INSC: variants seen among roughly 807,000 people sequenced by gnomAD.
INSC encodes INSC spindle orientation adaptor protein, also known as protein inscuteable homolog.
In INSC, 67 loss-of-function variants were observed where a neutral mutation model predicts 58.6. That is an observed-to-expected ratio of 1.14 (90% CI 0.94 to 1.40). The LOEUF (loss-of-function observed/expected upper bound fraction) is 1.40, where lower values mean the gene tolerates loss of function less well. Among genes scored for constraint, INSC ranks in the 40% most tolerant of loss-of-function variants. INSC has a pLI of 0.00. For synonymous variants in INSC, 262 were observed against 276.1 expected (o/e 0.95, Z 0.51); for missense variants, 714 against 692.0 (o/e 1.03, Z -0.36).
At chr11:15,249,075 A>G (rs1852622962), downstream of INSC, among the ~76,000 whole-genome samples, 1 of 152,216 alleles carries the variant, frequency 6.6e-6, no homozygotes, top group African/African-American at 2.4e-5. Context: ...GAGGAAGGAC[A>G]GAAGTACCCA....
At position 15,136,703 on chromosome 11, in the gene INSC, C is replaced by G. The variant is rs572298939; in HGVS notation, c.-45-12427C>G. Among the ~76,000 whole-genome samples the G allele has an allele frequency of 8.5e-5, 13 of 152,272 alleles. No homozygotes were observed. In the South Asian group the frequency reaches 2.7e-3, roughly 32 times the overall value. ...GTAGCAATTCAGTCATGTCTTCAGGCTCCACATCTAATTCTAGTTTTCTTG... is the reference window on the plus strand; with the variant it reads ...GTAGCAATTCAGTCATGTCTTCAGGGTCCACATCTAATTCTAGTTTTCTTG... On this transcript the variant is annotated intron_variant, in intron 1 of 12. Transcript: ENST00000379556.
intron 2 of INSC, 132 bp from the exon 3 acceptor site, chr11:15,175,609 C>G: frequency 1.8e-6 from 1 of 563,548 alleles, no homozygotes; most frequent in Non-Finnish European, 2.9e-6. Flanking sequence ...CTGAGAATAT[C>G]AAGGTGCATG....
At chr11:15,180,265 AC>A (rs1490135180) in intron 5 of INSC, among the ~76,000 whole-genome samples, 1 of 151,732 alleles carries the variant, frequency 6.6e-6, no homozygotes, top group African/African-American at 2.4e-5. Flanking sequence ...CTCAAAAAAA[AC>A]AAACAAAACA....
At chr11:15,199,797 G>A (rs1465576191) in intron 6 of INSC, among the ~76,000 whole-genome samples, 1 of 152,164 alleles carries the variant, frequency 6.6e-6, no homozygotes, top group Non-Finnish European at 1.5e-5. Flanking sequence ...CACCCTGCCA[G>A]CTTTCAGGGA....
Position 15,136,150 on chromosome 11 carries a change from T to C in INSC, c.-45-12980T>C, listed in dbSNP as rs868552500. ...AAAGAGAGTTACACAAATTGTTACA[T>C]TTCCCACTGCATATAAAAGTTATGT... On this transcript the variant is annotated intron_variant, in intron 1 of 12. Transcript: ENST00000379556. 4.7e-4 allele frequency among the ~76,000 whole-genome samples: 72 copies of C among 152,238 alleles called. 1 individual carries two copies. The highest frequency in any genetic ancestry group is 1.6e-3 in the African/African-American group (68 of 41,464).
At chr11:15,176,828 C>T (rs1849589059) in intron 3 of INSC, among the ~76,000 whole-genome samples, 1 of 152,262 alleles carries the variant, frequency 6.6e-6, no homozygotes, top group Non-Finnish European at 1.5e-5. Context: ...GACATTAAAA[C>T]TTCTCTTCAT....
chr11:15,172,299 G>T (rs545585401), intron 2 of INSC, among the ~76,000 whole-genome samples: 2 of 152,020 alleles, frequency 1.3e-5, no homozygotes, highest in African/African-American at 4.8e-5. Context: ...CTTTTCCATC[G>T]TGTCAATCTC....
chr11:15,184,626 C>T (rs1417606388), intron 5 of INSC: 3 of 152,324 alleles, frequency 2.0e-5, no homozygotes, highest in Middle Eastern at 3.4e-3. Context: ...GATCTTTTGA[C>T]GTCATGATCC....
chr11:15,195,910 G>T (rs2133871721), intron 6 of INSC, among the ~76,000 whole-genome samples: 1 of 152,266 alleles, frequency 6.6e-6, no homozygotes, highest in Non-Finnish European at 1.5e-5. Flanking sequence ...TGTTTTCATG[G>T]GAAAAGTAAG....
intron 5 of INSC, 23 bp from the exon 6 acceptor site, chr11:15,190,678 C>G: frequency 6.5e-7 from 1 of 1,540,944 alleles, no homozygotes. Flanking sequence ...TAACTACTAG[C>G]TAACTTTTCT....
intron 2 of INSC, among the ~76,000 whole-genome samples, chr11:15,169,708 A>AT (rs56681092): frequency 0.061 from 8,982 of 146,532 alleles, 869 homozygotes; most frequent in African/African-American, 0.21. Flanking sequence ...CACCCAGCTA[A>AT]TTTTTTTTTT....
intron 7 of INSC, 126 bp downstream of exon 7, chr11:15,201,075 C>T: frequency 8.3e-7 from 1 of 1,209,820 alleles, no homozygotes; most frequent in Non-Finnish European, 1.1e-6. Flanking sequence ...TTCCCAGGCA[C>T]CATTCGGATA....
intron 7 of INSC, among the ~76,000 whole-genome samples, chr11:15,202,167 C>T (rs1170251372): frequency 2.0e-5 from 3 of 151,900 alleles, no homozygotes; most frequent in African/African-American, 7.3e-5. Context: ...GAGATAGTGC[C>T]AGCTTTTTGG....
Position 15,245,237 on chromosome 11 carries a change from T to G in INSC, c.1471-675T>G, listed in dbSNP as rs185750807. ...CTGCTTCAGGATAATTGGGGAAGCC[T>G]TCATGGGGGAGGTGACAATAGGCAG... is the stretch of plus-strand genomic sequence containing the variant. On this transcript the variant is annotated intron_variant, in intron 12 of 12. Transcript: ENST00000379556. Among the ~76,000 whole-genome samples, 935 of 152,156 alleles carry G rather than the reference T, an allele frequency of 6.1e-3. 6 individuals are homozygous for G. Among genetic ancestry groups the G allele is most frequent in the Non-Finnish European group, 9.3e-3 (635 of 68,002 alleles).
intron 7 of INSC, among the ~76,000 whole-genome samples, chr11:15,219,656 C>T (rs1408503076): frequency 6.6e-6 from 1 of 152,122 alleles, no homozygotes; most frequent in Non-Finnish European, 1.5e-5. Flanking sequence ...GGTTTGGGTC[C>T]GACTGGTATT....
intron 1 of INSC, among the ~76,000 whole-genome samples, chr11:15,120,639 G>C (rs536810517): frequency 6.6e-6 from 1 of 152,190 alleles, no homozygotes; most frequent in Non-Finnish European, 1.5e-5. Context: ...GTAGTGTTGG[G>C]GATGAGATGG....
chr11:15,207,837 G>A (rs1012941763), intron 7 of INSC, among the ~76,000 whole-genome samples: 3 of 152,122 alleles, frequency 2.0e-5, no homozygotes, highest in Admixed American at 6.5e-5. Context: ...TGCTTTTCAC[G>A]GTCATTTTGT....
At chr11:15,147,744 A>T (rs369647868) in intron 1 of INSC, among the ~76,000 whole-genome samples, 1 of 152,208 alleles carries the variant, frequency 6.6e-6, no homozygotes, top group African/African-American at 2.4e-5. Flanking sequence ...AAGTCTCTGG[A>T]ATTATCTAGC....
intron 7 of INSC, among the ~76,000 whole-genome samples, chr11:15,217,178 G>T (rs1259021405): frequency 6.6e-6 from 1 of 152,202 alleles, no homozygotes; most frequent in Non-Finnish European, 1.5e-5. Flanking sequence ...AATCATGGTG[G>T]AAGGGGAAGC....
Sources: allele counts gnomAD v4.1 joint callset (sites outside exome capture counted in the v4.1 genomes callset), GRCh38; gene constraint gnomAD v4.1.1; transcripts MANE v1.5; gene names NCBI Gene and HGNC (gene_info 2026-07-23, HGNC 2026-07-21).